Variants in RGS6 observed in about 807,000 individuals in gnomAD.
RGS6 encodes regulator of G-protein signaling 6.
A neutral mutation model predicts 78.5 loss-of-function variants in RGS6; 30 were observed. The observed-to-expected ratio is 0.38, with a 90% CI of 0.29 to 0.52. The LOEUF (loss-of-function observed/expected upper bound fraction) is 0.52. RGS6 is among the 20% of genes least tolerant of loss of function. RGS6 has a pLI of 0.85. For missense variants in RGS6, 495 were observed against 609.7 expected, an observed-to-expected ratio of 0.81 and a Z score of 1.98; for synonymous variants, 206 against 206.0, an observed-to-expected ratio of 1.00 and a Z score of 0.00.
intron 2 of RGS6, among the ~76,000 whole-genome samples, chr14:72,293,239 T>C (rs1341484755): frequency 6.6e-6 from 1 of 152,242 alleles, no homozygotes; most frequent in Non-Finnish European, 1.5e-5. Flanking sequence ...TTTGCCATTA[T>C]CATGTAACAA....
Position 72,454,538 on chromosome 14 carries a change from T to C in RGS6, c.195T>C (p.Ile65=). The C allele has an allele frequency of 6.2e-7, 1 of 1,614,112 alleles. No homozygotes were observed. Among genetic ancestry groups the C allele is most frequent in the Non-Finnish European group, 8.5e-7 (1 of 1,180,016 alleles). Residue 65 remains isoleucine (I), a synonymous_variant, in exon 4 of 18, where the codon ATT becomes ATC. Transcript: ENST00000553525. The part of the protein sequence containing the change: ...KIPSVVTGTD[I]VQWLMKNLSI... ...GCTTTATCGTTGCAGGTACTGACAT[T>C]GTGCAGTGGCTTATGAAGAACCTTT...
Position 72,248,227 on chromosome 14 carries a change from A to G in RGS6, c.85-103868A>G, listed in dbSNP as rs550272632. Among the ~76,000 whole-genome samples, 6 of 152,290 alleles carry G rather than the reference A, an allele frequency of 3.9e-5. No homozygotes were observed. In the East Asian group the frequency reaches 5.8e-4, roughly 15 times the overall value. On this transcript the variant is annotated intron_variant, in intron 2 of 17. Coordinates refer to ENST00000553525, the MANE Select transcript of RGS6 (RefSeq NM_001204424.2). ...CTAAGTGTGTCAAGGCATTTTCCAG[A>G]TACTATATGACATGTACTATCATTA...
chr14:72,518,863 G>T (rs1318854209), intron 15 of RGS6, among the ~76,000 whole-genome samples: 2 of 152,242 alleles, frequency 1.3e-5, no homozygotes, highest in African/African-American at 2.4e-5. Flanking sequence ...CATTGGGGAA[G>T]TGGGTGTAGT....
chr14:72,536,675 C>A (rs1315908960), intron 16 of RGS6, among the ~76,000 whole-genome samples: 1 of 152,150 alleles, frequency 6.6e-6, no homozygotes, highest in African/African-American at 2.4e-5. Context: ...GACTTCTCTC[C>A]CTGACCAGCC....
chr14:72,373,282 A>G (rs1401451258), intron 3 of RGS6, among the ~76,000 whole-genome samples: 1 of 152,224 alleles, frequency 6.6e-6, no homozygotes, highest in Non-Finnish European at 1.5e-5. Flanking sequence ...TCGAGTTCAT[A>G]TTGTTCAAGA....
intron 2 of RGS6, among the ~76,000 whole-genome samples, chr14:72,325,375 A>G (rs1012768074): frequency 6.6e-6 from 1 of 152,094 alleles, no homozygotes; most frequent in African/African-American, 2.4e-5. Flanking sequence ...CCATTTCTCA[A>G]TTTTGGCTTT....
chr14:72,560,704 A>T (rs2097660665), intron 17 of RGS6, among the ~76,000 whole-genome samples: 1 of 150,714 alleles, frequency 6.6e-6, no homozygotes, highest in African/African-American at 2.4e-5. Context: ...CTGATTAAAA[A>T]CTCCTTAGCC....
At chr14:72,145,202 T>A (rs554047580) in intron 2 of RGS6, among the ~76,000 whole-genome samples, 51 of 152,264 alleles carry the variant, frequency 3.3e-4, no homozygotes, top group African/African-American at 1.2e-3. Context: ...AGGTTCAGAC[T>A]CTTGGAGCCA....
At chr14:71,930,162 T>A (rs1450265176), upstream of RGS6, among the ~76,000 whole-genome samples, 1 of 137,664 alleles carries the variant, frequency 7.3e-6, no homozygotes, top group Non-Finnish European at 1.7e-5. Flanking sequence ...CACTTATATT[T>A]TTCTGTCTAT....
chr14:72,264,114 GTCAGGT>G (rs981755974), intron 2 of RGS6, among the ~76,000 whole-genome samples: 21 of 152,200 alleles, frequency 1.4e-4, no homozygotes, highest in African/African-American at 5.1e-4. Flanking sequence ...ATCAGTTCAG[GTCAGGT>G]TTTGTCACCA....
the RGS6 span, among the ~76,000 whole-genome samples, chr14:71,888,366 C>T: frequency 6.4e-5 from 8 of 125,592 alleles, no homozygotes; most frequent in Non-Finnish European, 1.3e-4. Flanking sequence ...TGCAGTGAGC[C>T]GAGACCCTGT....
chr14:72,458,410 T>G lies in RGS6; in HGVS notation c.342+33T>G, dbSNP rs756494432. 42 of 1,457,498 alleles carry G rather than the reference T, an allele frequency of 2.9e-5. 1 individual carries two copies. The East Asian group carries it at 9.5e-4, about 33-fold the overall frequency. 90.3% of individuals were successfully genotyped at this position (1,457,498 alleles called of 1,614,324 possible). A position where few individuals can be genotyped will look rare whatever the true frequency, so the allele number is the denominator to read the frequency against. ...TGCTGGCTCCTCCTCCTGAAGAACCTTTTCTTCACAACATCATCTGATCTT... is the reference window on the plus strand; with the variant it reads ...TGCTGGCTCCTCCTCCTGAAGAACCGTTTCTTCACAACATCATCTGATCTT... On this transcript the variant is annotated intron_variant, in intron 5 of 17. Coordinates refer to ENST00000553525, the MANE Select transcript of RGS6 (RefSeq NM_001204424.2).
the RGS6 span, among the ~76,000 whole-genome samples, chr14:71,911,239 T>G: frequency 5.9e-5 from 9 of 152,204 alleles, no homozygotes; most frequent in African/African-American, 1.9e-4. Flanking sequence ...CACAATGGCT[T>G]AATTCCTACG....
chr14:72,580,405 C>T, the RGS6 span, among the ~76,000 whole-genome samples: 1 of 149,368 alleles, frequency 6.7e-6, no homozygotes, highest in African/African-American at 2.5e-5. Context: ...ATTGTTCTTG[C>T]TCTGACCTGT....
intron 2 of RGS6, among the ~76,000 whole-genome samples, chr14:72,201,808 A>G (rs937226379): frequency 6.6e-6 from 1 of 152,174 alleles, no homozygotes; most frequent in African/African-American, 2.4e-5. Flanking sequence ...CATAATGTCT[A>G]TCATCTGTGG....
intron 2 of RGS6, among the ~76,000 whole-genome samples, chr14:72,056,319 G>A (rs1018916357): frequency 3.3e-5 from 5 of 152,114 alleles, no homozygotes; most frequent in Admixed American, 3.3e-4. Flanking sequence ...CAGAATTTAG[G>A]AAAGTCTGCT....
chr14:72,525,563 GTT>G lies in RGS6; in HGVS notation c.1278+7028_1278+7029del, dbSNP rs1390982239. Among the ~76,000 whole-genome samples, 3 of 151,692 alleles carry G rather than the reference GTT, an allele frequency of 2.0e-5. No individual in the cohort carries two copies. In the East Asian group the frequency reaches 5.8e-4, roughly 30 times the overall value. ...TTTATATTATTACCTAAGTGTAGAT[GTT>G]TAAATGCAACTTGATTAAGGAATGC... On this transcript the variant is annotated intron_variant, in intron 15 of 17. Coordinates refer to ENST00000553525, the MANE Select transcript of RGS6 (RefSeq NM_001204424.2).
chr14:72,107,685 A>G (rs35349038), intron 2 of RGS6, among the ~76,000 whole-genome samples: 49,005 of 151,998 alleles, frequency 0.32, 9,183 homozygotes, highest in Non-Finnish European at 0.4. Context: ...AAAATACCTC[A>G]TGAGTTTATA....
At chr14:72,090,073 A>C (rs1326308824) in intron 2 of RGS6, among the ~76,000 whole-genome samples, 1 of 145,408 alleles carries the variant, frequency 6.9e-6, no homozygotes, top group Non-Finnish European at 1.5e-5. Context: ...AGATCATGCC[A>C]CTGCACTCCA....
Sources: allele counts gnomAD v4.1 joint callset (sites outside exome capture counted in the v4.1 genomes callset), GRCh38; gene constraint gnomAD v4.1.1; transcripts MANE v1.5; gene names NCBI Gene and HGNC (gene_info 2026-07-23, HGNC 2026-07-21).